Variants in PRKCE observed in about 807,000 individuals in gnomAD.
PRKCE encodes the protein protein kinase C epsilon type.
A neutral mutation model predicts 85.4 loss-of-function variants in PRKCE; 16 were observed. The ratio of observed to expected loss-of-function variants is 0.19; its 90% CI spans 0.13 to 0.28. The LOEUF is 0.28. Among genes scored for constraint, PRKCE ranks in the 10% least tolerant of loss-of-function variants. The probability of loss-of-function intolerance (pLI) is 1.00; values close to 1 mark genes in which losing one functional copy is unlikely to be tolerated. For synonymous variants in PRKCE, 388 were observed against 371.5 expected, an observed-to-expected ratio of 1.04 and a Z score of -0.51; for missense variants, 573 against 975.2, an observed-to-expected ratio of 0.59 and a Z score of 5.49.
chr2:45,906,992 G>T (rs889149057), intron 2 of PRKCE, among the ~76,000 whole-genome samples: 1 of 152,202 alleles, frequency 6.6e-6, no homozygotes, highest in Non-Finnish European at 1.5e-5. Flanking sequence ...GAGAAATGCA[G>T]TGTCTCCCCA....
chr2:45,939,286 C>T (rs1215080936), intron 2 of PRKCE, among the ~76,000 whole-genome samples: 1 of 152,192 alleles, frequency 6.6e-6, no homozygotes, highest in East Asian at 1.9e-4. Flanking sequence ...CCAATAGTGA[C>T]AAGAGATGGG....
At chr2:46,129,174 C>T (rs1674162325) in intron 11 of PRKCE, among the ~76,000 whole-genome samples, 1 of 152,166 alleles carries the variant, frequency 6.6e-6, no homozygotes, top group Non-Finnish European at 1.5e-5. Flanking sequence ...CGAGGAGCTC[C>T]TCCACATGAG....
At chr2:45,858,384 T>C (rs576519573) in intron 2 of PRKCE, among the ~76,000 whole-genome samples, 9 of 152,180 alleles carry the variant, frequency 5.9e-5, no homozygotes, top group Admixed American at 3.9e-4. Context: ...GGTTTTTTTT[T>C]GACTTAAGAA....
At chr2:45,706,561 T>G (rs1476927611) in intron 1 of PRKCE, among the ~76,000 whole-genome samples, 1 of 152,222 alleles carries the variant, frequency 6.6e-6, no homozygotes, top group Non-Finnish European at 1.5e-5. Flanking sequence ...GGTTCCAGAA[T>G]GATCTTTGCT....
chr2:45,709,255 C>A (rs1228003917), intron 1 of PRKCE, among the ~76,000 whole-genome samples: 3 of 152,224 alleles, frequency 2.0e-5, no homozygotes, highest in Admixed American at 1.3e-4. Context: ...ACCGGGCAGA[C>A]CCAGCCAGGC....
chr2:45,907,261 G>A lies in PRKCE; in HGVS notation c.412+64198G>A, dbSNP rs1050983831. 6.6e-6 allele frequency among the ~76,000 whole-genome samples: 1 copy of A among 152,212 alleles called. No homozygotes were observed. Among genetic ancestry groups the A allele is most frequent in the Non-Finnish European group, 1.5e-5 (1 of 68,040 alleles). On this transcript the variant is annotated intron_variant, in intron 2 of 14. Transcript: ENST00000306156. This position sits in a 1 kb window ranked among gnomAD's most constrained non-coding sequence, Gnocchi z 4.5. ...GAATAAAAAGATTTTAAGTGGACTGGCAGTTGGCAAAGGAAAAAATAAATC... is the reference window on the plus strand; with the variant it reads ...GAATAAAAAGATTTTAAGTGGACTGACAGTTGGCAAAGGAAAAAATAAATC...
chr2:46,130,054 C>T (rs893730502), intron 11 of PRKCE, among the ~76,000 whole-genome samples: 4 of 152,148 alleles, frequency 2.6e-5, no homozygotes, highest in South Asian at 2.1e-4. Flanking sequence ...ATGAAAATAG[C>T]GAGTTTTTTT....
intron 10 of PRKCE, among the ~76,000 whole-genome samples, chr2:46,037,181 G>A (rs902810748): frequency 2.0e-5 from 3 of 152,258 alleles, no homozygotes; most frequent in African/African-American, 4.8e-5. Context: ...AAGTCTCTGC[G>A]GTCTGCAGGA....
At chr2:45,788,241 A>T (rs60245696) in intron 1 of PRKCE, among the ~76,000 whole-genome samples, 8,492 of 152,156 alleles carry the variant, frequency 0.056, 392 homozygotes, top group African/African-American at 0.12. Context: ...ACCTTTTATT[A>T]TTACTATTTT....
At chr2:45,681,498 A>G (rs12185636) in intron 1 of PRKCE, among the ~76,000 whole-genome samples, 41,860 of 151,824 alleles carry the variant, frequency 0.28, 5,867 homozygotes, top group Middle Eastern at 0.37. Flanking sequence ...GTACCCAGGT[A>G]GGCGTTTATG....
At position 45,984,685 on chromosome 2, in the gene PRKCE, G is replaced by A. The variant is rs934844658; in HGVS notation, c.823+5G>A. 1.3e-6 allele frequency: 2 copies of A among 1,597,344 alleles called. No individual in the cohort carries two copies. The highest frequency in any genetic ancestry group is 1.7e-6 in the Non-Finnish European group (2 of 1,178,156). ...GGCAGGGTTTGCAGTGTAAAGGTAA[G>A]TTGCTCCCTGCCCTGCCCTCAGCCC... is the stretch of plus-strand genomic sequence containing the variant. On this transcript the variant is annotated splice_donor_5th_base_variant and intron_variant, in intron 6 of 14. Coordinates refer to ENST00000306156, the MANE Select transcript of PRKCE (RefSeq NM_005400.3).
intron 7 of PRKCE, among the ~76,000 whole-genome samples, chr2:46,002,114 G>T (rs1475933882): frequency 6.6e-6 from 1 of 152,184 alleles, no homozygotes; most frequent in African/African-American, 2.4e-5. Flanking sequence ...ATATCAGTAA[G>T]AAGAGATCCA....
chr2:45,821,692 G>A (rs1369664545), intron 1 of PRKCE, among the ~76,000 whole-genome samples: 3 of 152,182 alleles, frequency 2.0e-5, no homozygotes, highest in Non-Finnish European at 2.9e-5. Flanking sequence ...GGGCACTGGT[G>A]GTGGTAAATA....
intron 2 of PRKCE, among the ~76,000 whole-genome samples, chr2:45,863,704 G>T (rs915518021): frequency 6.6e-6 from 1 of 152,034 alleles, no homozygotes; most frequent in African/African-American, 2.4e-5. Context: ...AGATGACCTG[G>T]CCAGCTCTTC....
chr2:46,115,478 C>A (rs1672679358), intron 11 of PRKCE, among the ~76,000 whole-genome samples: 1 of 152,156 alleles, frequency 6.6e-6, no homozygotes, highest in South Asian at 2.1e-4. Flanking sequence ...GAAAAATAAG[C>A]TGAGAGGGGT....
At chr2:45,882,721 G>A (rs1299726278) in intron 2 of PRKCE, among the ~76,000 whole-genome samples, 1 of 152,248 alleles carries the variant, frequency 6.6e-6, no homozygotes, top group Non-Finnish European at 1.5e-5. Context: ...GAGAAGACAG[G>A]GAACAGAAAG....
intron 1 of PRKCE, among the ~76,000 whole-genome samples, chr2:45,655,050 T>G (rs1675313796): frequency 6.6e-6 from 1 of 152,110 alleles, no homozygotes; most frequent in Non-Finnish European, 1.5e-5. Context: ...AAGCAGCCGT[T>G]TCTCTCATTT....
chr2:45,708,742 G>A (rs886212052), intron 1 of PRKCE, among the ~76,000 whole-genome samples: 3 of 152,212 alleles, frequency 2.0e-5, no homozygotes, highest in African/African-American at 7.2e-5. Flanking sequence ...AGTGGAATGT[G>A]GGTGAAAGGA....
At chr2:46,126,806 C>G (rs2104378704) in intron 11 of PRKCE, among the ~76,000 whole-genome samples, 1 of 152,206 alleles carries the variant, frequency 6.6e-6, no homozygotes, top group Non-Finnish European at 1.5e-5. Flanking sequence ...TTACTGGGAG[C>G]TGATGAGTGA....
Sources: allele counts gnomAD v4.1 joint callset (sites outside exome capture counted in the v4.1 genomes callset), GRCh38; gene constraint gnomAD v4.1.1; non-coding constraint Gnocchi (gnomAD v3.1); transcripts MANE v1.5; gene names NCBI Gene and HGNC (gene_info 2026-07-23, HGNC 2026-07-21).